EXOC6B: variants seen among roughly 807,000 people sequenced by gnomAD.
EXOC6B encodes the protein exocyst complex component 6B.
A neutral mutation model predicts 113.5 loss-of-function variants in EXOC6B; 54 were observed. The ratio of observed to expected loss-of-function variants is 0.48; its 90% CI spans 0.38 to 0.60. EXOC6B has a LOEUF of 0.60. Ranked by LOEUF, EXOC6B falls within the 20% of genes least tolerant of loss-of-function variation. EXOC6B has a pLI of 0.00. For synonymous variants in EXOC6B, 357 were observed against 339.0 expected (o/e 1.05, Z -0.58); for missense variants, 797 against 977.5 (o/e 0.82, Z 2.46).
chr2:72,727,487 G>C (rs978146850), intron 5 of EXOC6B, among the ~76,000 whole-genome samples: 10 of 152,158 alleles, frequency 6.6e-5, no homozygotes, highest in Admixed American at 1.3e-4. Flanking sequence ...CATGTGATTT[G>C]AACTGGATTC....
rs116594420 is a variant in EXOC6B, at chr2:72,627,275, T to C, written c.670-51607A>G. 3.8e-3 allele frequency among the ~76,000 whole-genome samples: 572 copies of C among 152,290 alleles called. 2 individuals carry two copies. Among genetic ancestry groups the C allele is most frequent in the Non-Finnish European group, 6.3e-3 (426 of 68,022 alleles). ...TCAGATTACTGAAAGTCAAACCAAA[T>C]TCCTTCTCTAGTTGAGTCTAAGACT... On this transcript the variant is annotated intron_variant, in intron 6 of 21. Coordinates refer to ENST00000272427, the MANE Select transcript of EXOC6B (RefSeq NM_015189.3).
intron 19 of EXOC6B, among the ~76,000 whole-genome samples, chr2:72,337,383 G>C (rs1014360209): frequency 3.9e-5 from 6 of 152,106 alleles, no homozygotes; most frequent in African/African-American, 1.4e-4. Flanking sequence ...AACCCTACTT[G>C]TGTCAAATGG....
At chr2:72,670,245 G>T (rs991794377) in intron 6 of EXOC6B, among the ~76,000 whole-genome samples, 1 of 151,982 alleles carries the variant, frequency 6.6e-6, no homozygotes, top group South Asian at 2.1e-4. Flanking sequence ...ATAATATTTT[G>T]TTATAAATTA....
intron 20 of EXOC6B, among the ~76,000 whole-genome samples, chr2:72,208,467 T>A (rs1375294071): frequency 6.6e-6 from 1 of 152,178 alleles, no homozygotes; most frequent in Admixed American, 6.5e-5. Context: ...GTACCACATT[T>A]TCTTTATCCA....
intron 1 of EXOC6B, among the ~76,000 whole-genome samples, chr2:72,757,697 C>T (rs1438300864): frequency 6.6e-6 from 1 of 152,134 alleles, no homozygotes. Flanking sequence ...GACAGCCTAT[C>T]TCTCTGAGTT....
chr2:72,550,495 C>A (rs1222030143), intron 8 of EXOC6B, among the ~76,000 whole-genome samples: 2 of 152,136 alleles, frequency 1.3e-5, no homozygotes, highest in African/African-American at 2.4e-5. Flanking sequence ...CTAACTGTAC[C>A]TTTTCAAAAC....
chr2:72,549,738 T>C lies in EXOC6B; in HGVS notation c.915+9715A>G, dbSNP rs184544651. 7.5e-3 allele frequency among the ~76,000 whole-genome samples: 1,139 copies of C among 152,078 alleles called. 9 individuals carry two copies. Among genetic ancestry groups the C allele is most frequent in the Non-Finnish European group, 0.012 (833 of 67,996 alleles). Reference sequence around the variant, plus strand: ...TCATTAGGGTTCCAAATCATGAGAATAGAGTATATCATTCAAGAAAGGCAA... The same window carrying C: ...TCATTAGGGTTCCAAATCATGAGAACAGAGTATATCATTCAAGAAAGGCAA... On this transcript the variant is annotated intron_variant, in intron 8 of 21. Transcript: ENST00000272427.
chr2:72,286,741 G>A (rs1304630979), intron 20 of EXOC6B, among the ~76,000 whole-genome samples: 1 of 151,966 alleles, frequency 6.6e-6, no homozygotes, highest in East Asian at 1.9e-4. Context: ...CATGTAGAGG[G>A]GGCAAGAAGT....
Position 72,687,031 on chromosome 2 carries a change from G to A in EXOC6B, c.669+31072C>T, listed in dbSNP as rs532440794. On this transcript the variant is annotated intron_variant, in intron 6 of 21. Coordinates refer to ENST00000272427, the MANE Select transcript of EXOC6B (RefSeq NM_015189.3). ...CGGGCGCCTGTAGTCCCAGCTACTC[G>A]GGAGGCTGAGGCAGGAGAATTGCTT... Among the ~76,000 whole-genome samples, 354 of 151,860 alleles carry A rather than the reference G, an allele frequency of 2.3e-3. 1 individual carries two copies. The highest frequency in any genetic ancestry group is 8.0e-3 in the African/African-American group (332 of 41,424).
intron 5 of EXOC6B, among the ~76,000 whole-genome samples, chr2:72,723,021 A>G (rs184445843): frequency 1.3e-3 from 201 of 152,298 alleles, no homozygotes; most frequent in Middle Eastern, 6.8e-3. Context: ...CATTTTAACT[A>G]TAACAAATCA....
intron 1 of EXOC6B, among the ~76,000 whole-genome samples, chr2:72,795,641 T>C (rs1414700173): frequency 1.3e-5 from 2 of 152,128 alleles, no homozygotes; most frequent in Non-Finnish European, 2.9e-5. Context: ...TTTTCTGTGG[T>C]AGACAGAATA....
intron 20 of EXOC6B, among the ~76,000 whole-genome samples, chr2:72,260,411 T>C (rs1432745140): frequency 6.6e-6 from 1 of 152,202 alleles, no homozygotes; most frequent in African/African-American, 2.4e-5. Context: ...CCAGTTTTGA[T>C]TGTGCGAGGC....
intron 18 of EXOC6B, among the ~76,000 whole-genome samples, chr2:72,443,320 C>CA (rs61290907): frequency 0.15 from 13,472 of 92,532 alleles, 718 homozygotes; most frequent in Non-Finnish European, 0.2. Context: ...GAGATTCTGT[C>CA]AAAAAAAAAA....
intron 6 of EXOC6B, among the ~76,000 whole-genome samples, chr2:72,608,214 A>T (rs909323453): frequency 1.3e-5 from 2 of 152,152 alleles, no homozygotes; most frequent in African/African-American, 2.4e-5. Context: ...AGCTTTAAGG[A>T]ATTTGGAAAA....
chr2:72,796,301 A>G (rs1018846058), intron 1 of EXOC6B, among the ~76,000 whole-genome samples: 5 of 151,716 alleles, frequency 3.3e-5, no homozygotes, highest in Admixed American at 3.3e-4. Context: ...TAAAAATACA[A>G]AATTAGCCAG....
intron 20 of EXOC6B, among the ~76,000 whole-genome samples, chr2:72,326,581 G>A (rs555669284): frequency 6.6e-6 from 1 of 152,168 alleles, no homozygotes; most frequent in African/African-American, 2.4e-5. Flanking sequence ...CAAACTGACT[G>A]ACTTTGCTGT....
chr2:72,326,412 C>G (rs1172000377), intron 20 of EXOC6B, among the ~76,000 whole-genome samples: 1 of 152,106 alleles, frequency 6.6e-6, no homozygotes. Flanking sequence ...GCTAGACAGG[C>G]AGCAAGGCGT....
At chr2:72,563,748 T>A (rs943684654) in intron 7 of EXOC6B, among the ~76,000 whole-genome samples, 1 of 152,152 alleles carries the variant, frequency 6.6e-6, no homozygotes, top group Non-Finnish European at 1.5e-5. Flanking sequence ...TTTTAGGATA[T>A]CTTTTTCTTC....
Position 72,469,546 on chromosome 2 carries a change from T to C in EXOC6B, c.1801-4207A>G, listed in dbSNP as rs62149328. On this transcript the variant is annotated intron_variant, in intron 17 of 21. Coordinates refer to ENST00000272427, the MANE Select transcript of EXOC6B (RefSeq NM_015189.3). The stretch of plus-strand genomic sequence containing the variant: ...TTTCTCTTGAGACTTTTTTTGACCA[T>C]GTTTTATTTTGAAATATGTTGTTTA... Among the ~76,000 whole-genome samples, 1,043 of 152,244 alleles carry C rather than the reference T, an allele frequency of 6.9e-3. 12 individuals carry two copies. Among genetic ancestry groups the C allele is most frequent in the Non-Finnish European group, 0.013 (877 of 67,958 alleles).
Sources: allele counts gnomAD v4.1 joint callset (sites outside exome capture counted in the v4.1 genomes callset), GRCh38; gene constraint gnomAD v4.1.1; transcripts MANE v1.5; gene names NCBI Gene and HGNC (gene_info 2026-07-23, HGNC 2026-07-21).